The following PDE1C variants were observed in gnomAD, a reference collection of about 807,000 sequenced individuals.
PDE1C encodes phosphodiesterase 1C.
In PDE1C, 62 loss-of-function variants were observed where a neutral mutation model predicts 93.1. The ratio of observed to expected loss-of-function variants is 0.67; its 90% CI spans 0.54 to 0.82. The LOEUF (loss-of-function observed/expected upper bound fraction) is 0.82. PDE1C is among the 40% of genes least tolerant of loss of function. The pLI is 0.00. For synonymous variants in PDE1C, 325 were observed against 310.1 expected (o/e 1.05, Z -0.50); for missense variants, 742 against 884.6 (o/e 0.84, Z 2.04).
Position 32,030,078 on chromosome 7 carries a change from AACACACACACACACACAC to A in PDE1C, c.128+21458_128+21475del, listed in dbSNP as rs376919544. Among the ~76,000 whole-genome samples, 461 of 134,082 alleles carry A rather than the reference AACACACACACACACACAC, an allele frequency of 3.4e-3. 3 individuals are homozygous for A. Among genetic ancestry groups the A allele is most frequent in the African/African-American group, 0.012 (430 of 36,142 alleles). The allele number at this position is 134,082 out of a possible 152,430, so 88.0% of individuals were successfully genotyped here. On this transcript the variant is annotated intron_variant, in intron 2 of 17. Transcript: ENST00000396191. ...CAAGTTGCTGAAAAATGCATATTAT[AACACACACACACACACAC>A]ACACACACACACACACACACACACA...
chr7:31,822,074 A>C (rs900637834), intron 14 of PDE1C, among the ~76,000 whole-genome samples: 1 of 152,068 alleles, frequency 6.6e-6, no homozygotes, highest in Non-Finnish European at 1.5e-5. Flanking sequence ...CTTCCTTTGA[A>C]TGAAATTCTG....
chr7:32,306,089 A>C (rs1275891302), intron 1 of PDE1C, among the ~76,000 whole-genome samples: 4 of 151,888 alleles, frequency 2.6e-5, no homozygotes, highest in Non-Finnish European at 5.9e-5. Context: ...CTTTCACTTG[A>C]TCCTTCATTC....
chr7:32,310,901 T>A (rs1353691366), intron 1 of PDE1C, among the ~76,000 whole-genome samples: 3 of 151,806 alleles, frequency 2.0e-5, no homozygotes, highest in African/African-American at 4.8e-5. Flanking sequence ...ATAACTAAAA[T>A]TAGAGCAGAA....
chr7:32,212,874 A>G (rs1200835470), intron 1 of PDE1C, among the ~76,000 whole-genome samples: 1 of 152,188 alleles, frequency 6.6e-6, no homozygotes, highest in Non-Finnish European at 1.5e-5. Flanking sequence ...ACCACCGAGC[A>G]GGTTTCTTAG....
At chr7:32,398,880 G>A (rs1784890659) in intron 1 of PDE1C, among the ~76,000 whole-genome samples, 1 of 152,128 alleles carries the variant, frequency 6.6e-6, no homozygotes, top group Non-Finnish European at 1.5e-5. Flanking sequence ...TTAGGTAAGG[G>A]TGGAAAGTGG....
At chr7:31,775,860 G>T (rs1207274583) in intron 16 of PDE1C, 128 bp from the exon 17 acceptor site, 5 of 751,944 alleles carry the variant, frequency 6.6e-6, no homozygotes, top group Non-Finnish European at 1.1e-5. Flanking sequence ...GTTAGGTGAG[G>T]TTGCAGGGTG....
chr7:31,719,336 C>G, the PDE1C span, among the ~76,000 whole-genome samples: 1 of 152,190 alleles, frequency 6.6e-6, no homozygotes, highest in South Asian at 2.1e-4. Flanking sequence ...CCTAGCTGGG[C>G]TCAAGAGACA....
At chr7:31,928,273 A>T in intron 2 of PDE1C, among the ~76,000 whole-genome samples, 1 of 152,140 alleles carries the variant, frequency 6.6e-6, no homozygotes, top group South Asian at 2.1e-4. Flanking sequence ...AAAGCCTCCA[A>T]GAAATATGGG....
At chr7:32,344,248 AT>A (rs1783810215) in intron 1 of PDE1C, among the ~76,000 whole-genome samples, 1 of 151,624 alleles carries the variant, frequency 6.6e-6, no homozygotes, top group Admixed American at 6.6e-5. Context: ...TAATTTTTTC[AT>A]TCTTTTGTAG....
the PDE1C span, among the ~76,000 whole-genome samples, chr7:31,649,401 C>T: frequency 6.7e-6 from 1 of 149,588 alleles, no homozygotes; most frequent in Admixed American, 6.7e-5. Flanking sequence ...AAACAGCCAG[C>T]CTGCAAGATC....
intron 3 of PDE1C, among the ~76,000 whole-genome samples, chr7:32,119,559 C>T (rs985426045): frequency 3.3e-5 from 5 of 152,300 alleles, no homozygotes; most frequent in African/African-American, 7.2e-5. Flanking sequence ...ACCATAATAG[C>T]GTGTAAATCC....
chr7:32,196,595 G>A (rs894743489), intron 2 of PDE1C, among the ~76,000 whole-genome samples: 1 of 152,054 alleles, frequency 6.6e-6, no homozygotes, highest in African/African-American at 2.4e-5. Flanking sequence ...TGTAATTCAT[G>A]GGAAAAATAG....
At chr7:32,322,395 A>G (rs1025089047) in intron 1 of PDE1C, among the ~76,000 whole-genome samples, 1 of 152,140 alleles carries the variant, frequency 6.6e-6, no homozygotes, top group Non-Finnish European at 1.5e-5. Context: ...TGAGACCAGG[A>G]GTTTGAGACG....
chr7:31,616,778 A>G, the PDE1C span, among the ~76,000 whole-genome samples: 1 of 148,438 alleles, frequency 6.7e-6, no homozygotes, highest in Admixed American at 6.7e-5. Flanking sequence ...AAAACCAAAA[A>G]GGTTTCTAAA....
intron 1 of PDE1C, among the ~76,000 whole-genome samples, chr7:32,225,708 G>T (rs1807209319): frequency 6.6e-6 from 1 of 152,162 alleles, no homozygotes; most frequent in Admixed American, 6.5e-5. Flanking sequence ...CACAGCCAAT[G>T]GAAAGTGATT....
chr7:31,673,445 T>G, the PDE1C span, among the ~76,000 whole-genome samples: 2 of 152,170 alleles, frequency 1.3e-5, no homozygotes, highest in Non-Finnish European at 2.9e-5. Flanking sequence ...TGTCTCTCTC[T>G]CTTTAATATT....
intron 2 of PDE1C, among the ~76,000 whole-genome samples, chr7:32,015,990 G>C (rs1189267524): frequency 6.6e-6 from 1 of 152,094 alleles, no homozygotes; most frequent in African/African-American, 2.4e-5. Flanking sequence ...CTTTCCATAA[G>C]ACACCCATCA....
chr7:32,286,619 C>G (rs1436510502), intron 1 of PDE1C, among the ~76,000 whole-genome samples: 1 of 152,190 alleles, frequency 6.6e-6, no homozygotes, highest in East Asian at 1.9e-4. Context: ...ATTAGGGAAG[C>G]TGATACAAAC....
In PDE1C at chr7:31,850,641, C is replaced by T. The variant is rs766909296; in HGVS notation, c.851G>A (p.Arg284Gln). Residue 284 changes from arginine to glutamine, a missense_variant and splice_region_variant, in exon 8 of 18, where the codon CGG becomes CAG. Physicochemically the swap from Arg to Gln is conservative, Grantham distance 43. Around this residue, in one of 4 missense-constraint regions of PDE1C, gnomAD observed 205 missense variants for 295.3 expected, o/e 0.69. Coordinates refer to ENST00000396191, the MANE Select transcript of PDE1C (RefSeq NM_001191057.4). ...GTTNNFHIQTRSDPAILYNDR... is the reference protein window; with the variant it reads ...GTTNNFHIQTQSDPAILYNDR... The stretch of plus-strand genomic sequence containing the variant: ...CTTCCAAACATTTAAACACCCTCAC[C>T]GAGTCTGAATGTGGAAATTGTTGGT... 1.1e-5 allele frequency: 18 copies of T among 1,603,920 alleles called. No homozygotes were observed. The highest frequency in any genetic ancestry group is 2.7e-5 in the African/African-American group (2 of 74,700).
Sources: allele counts gnomAD v4.1 joint callset (sites outside exome capture counted in the v4.1 genomes callset), GRCh38; gene constraint gnomAD v4.1.1; regional missense constraint gnomAD v4.1.1; transcripts MANE v1.5; gene names NCBI Gene and HGNC (gene_info 2026-07-23, HGNC 2026-07-21).